The following ZNF69 variants were observed in gnomAD, a reference collection of about 807,000 sequenced individuals.
The protein encoded by ZNF69 is ZNF3.
In ZNF69, 47 loss-of-function variants were observed where a neutral mutation model predicts 50.9. The ratio of observed to expected loss-of-function variants is 0.92; its 90% CI spans 0.73 to 1.18. ZNF69 has a LOEUF of 1.18. Ranked by LOEUF, ZNF69 falls within the 50% of genes most tolerant of loss-of-function variation. ZNF69 has a pLI of 0.00. For missense variants in ZNF69, 717 were observed against 675.1 expected (o/e 1.06, Z -0.69); for synonymous variants, 216 against 223.1 (o/e 0.97, Z 0.29).
the ZNF69 span, chr19:11,925,360 C>T: frequency 3.5e-5 from 55 of 1,571,818 alleles, no homozygotes; most frequent in East Asian, 1.9e-4. Flanking sequence ...CCGGGCCTCC[C>T]TGTGGGCGAC....
the ZNF69 span, among the ~76,000 whole-genome samples, chr19:11,930,240 T>C: frequency 6.7e-6 from 1 of 148,600 alleles, no homozygotes; most frequent in Non-Finnish European, 1.5e-5. Context: ...GATGTTGCTA[T>C]TGAGGAAAAA....
the ZNF69 span, among the ~76,000 whole-genome samples, chr19:11,921,486 TTTTGTTTGTTTGTTTG>T: frequency 8.0e-5 from 12 of 150,614 alleles, no homozygotes; most frequent in African/African-American, 2.7e-4. Context: ...GGAAAATTTC[TTTTGTTTGTTTGTTTG>T]TTTGTTTGTT....
chr19:11,924,992 C>G, the ZNF69 span: 307 of 489,932 alleles, frequency 6.3e-4, no homozygotes, highest in South Asian at 3.6e-3. Context: ...GGCCTGATAC[C>G]CAGGGCTTCA....
chr19:11,932,110 T>C, the ZNF69 span, among the ~76,000 whole-genome samples: 1 of 143,564 alleles, frequency 7.0e-6, no homozygotes, highest in Non-Finnish European at 1.5e-5. Flanking sequence ...GCAGCAAGAG[T>C]GAAACTTTGT....
downstream of ZNF69, among the ~76,000 whole-genome samples, chr19:11,915,350 G>A (rs187578195): frequency 1.7e-3 from 257 of 152,356 alleles, no homozygotes; most frequent in Non-Finnish European, 2.8e-3. Flanking sequence ...CTTTCCACAG[G>A]ATGCAAGCAC....
the ZNF69 span, chr19:11,948,220 T>A: frequency 6.4e-7 from 1 of 1,559,736 alleles, no homozygotes; most frequent in Non-Finnish European, 8.7e-7. Context: ...ACTTGTTGAT[T>A]AATATAGAAG....
At chr19:11,979,923 T>G in the ZNF69 span, 1 of 1,358,022 alleles carries the variant, frequency 7.4e-7, no homozygotes, top group Non-Finnish European at 1.0e-6. Context: ...GGGAAAGGCT[T>G]TTATTCTGCC....
At chr19:11,936,124 T>G in the ZNF69 span, among the ~76,000 whole-genome samples, 2 of 152,218 alleles carry the variant, frequency 1.3e-5, no homozygotes, top group Admixed American at 1.3e-4. Flanking sequence ...ACATTTGGGT[T>G]GGTTCCAAGT....
At chr19:11,951,034 C>T in the ZNF69 span, among the ~76,000 whole-genome samples, 736 of 151,020 alleles carry the variant, frequency 4.9e-3, 6 homozygotes, top group African/African-American at 0.017. Flanking sequence ...ACCGGTAGTC[C>T]CAGCTTCTCG....
At chr19:11,904,004 A>G in intron 3 of ZNF69, 39 bp downstream of exon 3, 1 of 1,592,918 alleles carries the variant, frequency 6.3e-7, no homozygotes, top group Non-Finnish European at 8.6e-7. Flanking sequence ...GTCTCTCTAG[A>G]CAATCTTAGA....
chr19:11,920,617 G>T, the ZNF69 span, among the ~76,000 whole-genome samples: 1 of 141,312 alleles, frequency 7.1e-6, no homozygotes, highest in East Asian at 2.1e-4. Flanking sequence ...GCTGGGCGCG[G>T]TGGTTCACAC....
chr19:11,975,840 TTACACCTGGATATA>T, the ZNF69 span, among the ~76,000 whole-genome samples: 4 of 152,032 alleles, frequency 2.6e-5, no homozygotes, highest in South Asian at 2.1e-4. Context: ...TCTATGCTTA[TTACACCTGGATATA>T]TACACCTGGA....
At chr19:11,893,282 G>A (rs540609973) in intron 1 of ZNF69, among the ~76,000 whole-genome samples, 28 of 152,204 alleles carry the variant, frequency 1.8e-4, no homozygotes, top group Admixed American at 1.7e-3. Context: ...TAGGACCTTC[G>A]GACACTGCAT....
the ZNF69 span, among the ~76,000 whole-genome samples, chr19:11,920,220 T>G: frequency 6.6e-6 from 1 of 151,848 alleles, no homozygotes; most frequent in African/African-American, 2.4e-5. Flanking sequence ...CAAGCGATTC[T>G]ACTGCCTCTG....
In ZNF69 at chr19:11,906,339, C is replaced by A. The variant is rs1413528141; in HGVS notation, c.*241C>A. The A allele has an allele frequency of 2.6e-6, 3 of 1,138,714 alleles. No individual in the cohort carries two copies. Among genetic ancestry groups the A allele is most frequent in the Admixed American group, 3.7e-5 (1 of 27,138 alleles). 70.5% of individuals were successfully genotyped at this position (1,138,714 alleles called of 1,614,324 possible). On this transcript the variant is annotated 3_prime_UTR_variant, in exon 4 of 4. Transcript: ENST00000429654. The stretch of plus-strand genomic sequence containing the variant: ...TTGAAGAGAGTAGCAGTCCTCCCAG[C>A]ATGGAGTTTGAGATCTAAGAATGGA...
At chr19:11,946,986 C>G in the ZNF69 span, 4 of 1,064,342 alleles carry the variant, frequency 3.8e-6, no homozygotes, top group Non-Finnish European at 5.0e-6. Flanking sequence ...GAAACTCTGT[C>G]TCAAAAAATA....
the ZNF69 span, chr19:11,978,168 G>A: frequency 1.9e-6 from 3 of 1,613,908 alleles, no homozygotes; most frequent in South Asian, 2.2e-5. Context: ...TCATTGTGGA[G>A]AAACTTTTAC....
chr19:11,923,047 C>T, the ZNF69 span, among the ~76,000 whole-genome samples: 4 of 152,228 alleles, frequency 2.6e-5, 1 homozygote, highest in African/African-American at 9.6e-5. Flanking sequence ...CAACTTCGGG[C>T]TTCAAGTGAT....
chr19:11,979,298 C>CCTT, the ZNF69 span: 1 of 1,609,812 alleles, frequency 6.2e-7, no homozygotes. Context: ...TGTGGGAAAG[C>CCTT]CTTCAGATGT....
Sources: gnomAD v4.1 joint callset for allele counts (sites outside exome capture counted in the v4.1 genomes callset) on GRCh38, gnomAD v4.1.1 for gene constraint, MANE v1.5 for transcripts, NCBI Gene and HGNC (gene_info 2026-07-23, HGNC 2026-07-21) for gene names.